Variants in KIF26B observed in about 807,000 individuals in gnomAD.
KIF26B encodes the protein kinesin family member 26B.
A neutral mutation model predicts 151.2 loss-of-function variants in KIF26B; 63 were observed. That is an observed-to-expected ratio of 0.42 (90% CI 0.34 to 0.51). The LOEUF (loss-of-function observed/expected upper bound fraction) is 0.51, where lower values mean the gene tolerates loss of function less well. Ranked by LOEUF, KIF26B falls within the 20% of genes least tolerant of loss-of-function variation. The pLI is 0.07. For synonymous variants in KIF26B, 1,357 were observed against 1,262.1 expected (o/e 1.08, Z -1.59); for missense variants, 2,813 against 2,913.6 (o/e 0.97, Z 0.79).
At chr1:245,426,587 T>C (rs142188389) in intron 4 of KIF26B, among the ~76,000 whole-genome samples, 1 of 152,318 alleles carries the variant, frequency 6.6e-6, no homozygotes, top group Non-Finnish European at 1.5e-5. Flanking sequence ...TCAGTCCTCT[T>C]GAGCATGTCA....
intron 4 of KIF26B, among the ~76,000 whole-genome samples, chr1:245,465,060 G>C (rs35875607): frequency 0.81 from 111,677 of 138,160 alleles, 45,510 homozygotes; most frequent in African/African-American, 0.87. Flanking sequence ...CTCACTGCAA[G>C]CTCCGCCTCC....
At chr1:245,584,097 T>C (rs900647562) in intron 5 of KIF26B, among the ~76,000 whole-genome samples, 1 of 152,222 alleles carries the variant, frequency 6.6e-6, no homozygotes, top group Non-Finnish European at 1.5e-5. Context: ...GACTGCATCA[T>C]GGATCCCTCG....
rs1308234643 is a variant in KIF26B, at chr1:245,521,784, G to A, written c.1167-18983G>A. 2.6e-5 allele frequency among the ~76,000 whole-genome samples: 4 copies of A among 152,330 alleles called. No individual in the cohort carries two copies. In the East Asian group the frequency reaches 5.8e-4, roughly 22 times the overall value. Reference sequence around the variant, plus strand: ...GACATGGCTCCTGACCTTATGAAATGTTCAGTCTTGTGAGGAAGACACAAA... The same window carrying A: ...GACATGGCTCCTGACCTTATGAAATATTCAGTCTTGTGAGGAAGACACAAA... On this transcript the variant is annotated intron_variant, in intron 4 of 14. Coordinates refer to ENST00000407071, the MANE Select transcript of KIF26B (RefSeq NM_018012.4).
At chr1:245,401,019 G>A (rs765181796) in intron 3 of KIF26B, among the ~76,000 whole-genome samples, 1 of 152,132 alleles carries the variant, frequency 6.6e-6, no homozygotes, top group Non-Finnish European at 1.5e-5. Flanking sequence ...GTTCATTAAA[G>A]CTTCTTTAAT....
intron 4 of KIF26B, among the ~76,000 whole-genome samples, chr1:245,479,157 T>C (rs1660108046): frequency 1.3e-5 from 2 of 151,884 alleles, no homozygotes; most frequent in Middle Eastern, 3.4e-3. Context: ...TGGGAATCAT[T>C]GGCATCTAGA....
At chr1:245,596,750 A>G (rs1021337487) in intron 5 of KIF26B, among the ~76,000 whole-genome samples, 2 of 152,112 alleles carry the variant, frequency 1.3e-5, no homozygotes, top group Non-Finnish European at 2.9e-5. Flanking sequence ...GTCTCCCACT[A>G]TTATTGTGTG....
At chr1:245,282,433 C>T (rs533873472) in intron 2 of KIF26B, among the ~76,000 whole-genome samples, 5 of 152,300 alleles carry the variant, frequency 3.3e-5, no homozygotes, top group South Asian at 2.1e-4. Flanking sequence ...AAATGGAAGC[C>T]GTTAGAAACT....
At chr1:245,633,278 G>T (rs2043800722) in intron 9 of KIF26B, among the ~76,000 whole-genome samples, 1 of 132,336 alleles carries the variant, frequency 7.6e-6, no homozygotes, top group East Asian at 2.3e-4. Flanking sequence ...ATACAGTTGG[G>T]TCTTTTTTTT....
At chr1:245,205,950 G>T (rs1165997271) in intron 2 of KIF26B, among the ~76,000 whole-genome samples, 3 of 151,322 alleles carry the variant, frequency 2.0e-5, no homozygotes, top group African/African-American at 4.9e-5. Flanking sequence ...GTTGCCCAGG[G>T]TGGTCTGGAA....
At position 245,367,194 on chromosome 1, in the gene KIF26B, G is replaced by C. The variant is rs766035054; in HGVS notation, c.826G>C (p.Gly276Arg). Residue 276 changes from glycine (G) to arginine (R), a missense_variant, in exon 3 of 15, where the codon GGG becomes CGG. Gly to Arg is a moderately radical substitution (Grantham distance 125). Coordinates refer to ENST00000407071, the MANE Select transcript of KIF26B (RefSeq NM_018012.4). The surrounding 1 kb of genome is among the most constrained non-coding windows in gnomAD (Gnocchi z 4.2). ...SKPSSLGVSN[G>R]AEKKSGSPTH... is the part of the protein sequence containing the mutation. ...ACCCAGCAGCCTTGGGGTCAGCAATGGGGCGGAAAAGAAGAGCGGGTCCCC... is the reference window on the plus strand; with the variant it reads ...ACCCAGCAGCCTTGGGGTCAGCAATCGGGCGGAAAAGAAGAGCGGGTCCCC... 4 of 1,608,954 alleles carry C rather than the reference G, an allele frequency of 2.5e-6. No individual in the cohort carries two copies. Among genetic ancestry groups the C allele is most frequent in the Non-Finnish European group, 2.5e-6 (3 of 1,177,774 alleles).
chr1:245,666,707 A>C (rs949447427), intron 10 of KIF26B, among the ~76,000 whole-genome samples: 1 of 152,036 alleles, frequency 6.6e-6, no homozygotes, highest in Non-Finnish European at 1.5e-5. Flanking sequence ...CACCTTTTTT[A>C]CATGCCAGAG....
chr1:245,185,338 C>G (rs892873682), intron 2 of KIF26B, among the ~76,000 whole-genome samples: 3 of 152,046 alleles, frequency 2.0e-5, no homozygotes, highest in African/African-American at 7.2e-5. Flanking sequence ...GGGGTTTCGC[C>G]ATGTTGGCCA....
chr1:245,584,492 T>C (rs1196496768), intron 5 of KIF26B, among the ~76,000 whole-genome samples: 2 of 152,222 alleles, frequency 1.3e-5, no homozygotes, highest in Non-Finnish European at 2.9e-5. Flanking sequence ...AAGATTATCC[T>C]CAAACACACT....
chr1:245,511,530 A>T (rs1660836747), intron 4 of KIF26B, among the ~76,000 whole-genome samples: 1 of 152,252 alleles, frequency 6.6e-6, no homozygotes, highest in Non-Finnish European at 1.5e-5. Context: ...ATAAAAATGA[A>T]GTTAGCCTGT....
At chr1:245,369,169 G>GAA (rs1673036802) in intron 3 of KIF26B, among the ~76,000 whole-genome samples, 1 of 78,094 alleles carries the variant, frequency 1.3e-5, no homozygotes, top group African/African-American at 6.2e-5. Flanking sequence ...AAAGAAGAGT[G>GAA]AGAGAGAGAG....
At chr1:245,426,272 A>G (rs1658648058) in intron 4 of KIF26B, among the ~76,000 whole-genome samples, 1 of 149,966 alleles carries the variant, frequency 6.7e-6, no homozygotes. Context: ...ACCTTTACAC[A>G]GTGTTTTCCT....
chr1:245,367,392 A>G lies in KIF26B; in HGVS notation c.999+25A>G. On this transcript the variant is annotated intron_variant, in intron 3 of 14. Transcript: ENST00000407071. The surrounding 1 kb of genome is among the most constrained non-coding windows in gnomAD (Gnocchi z 4.2). Reference sequence around the variant, plus strand: ...GGTAAGTAGCCTGTGTGAGCCAGGAAGAGCAGGGCTGGCTGGAGTCAAAGC... The same window carrying G: ...GGTAAGTAGCCTGTGTGAGCCAGGAGGAGCAGGGCTGGCTGGAGTCAAAGC... 1 of 1,559,474 alleles carries G rather than the reference A, an allele frequency of 6.4e-7. No homozygotes were observed. Among genetic ancestry groups the G allele is most frequent in the Non-Finnish European group, 8.7e-7 (1 of 1,149,776 alleles).
At chr1:245,163,494 C>CTCTG (rs1400866457) in intron 2 of KIF26B, among the ~76,000 whole-genome samples, 2 of 152,154 alleles carry the variant, frequency 1.3e-5, no homozygotes, top group Non-Finnish European at 2.9e-5. Context: ...TTTGGCAGGG[C>CTCTG]TAGCTCTCTC....
At chr1:245,381,855 C>G (rs753503643) in intron 3 of KIF26B, among the ~76,000 whole-genome samples, 1 of 152,132 alleles carries the variant, frequency 6.6e-6, no homozygotes. Flanking sequence ...GTCTGTTGCA[C>G]TTGGCATAAT....
Sources: allele counts gnomAD v4.1 joint callset (sites outside exome capture counted in the v4.1 genomes callset), GRCh38; gene constraint gnomAD v4.1.1; non-coding constraint Gnocchi (gnomAD v3.1); transcripts MANE v1.5; gene names NCBI Gene and HGNC (gene_info 2026-07-23, HGNC 2026-07-21).